Variants in MARCHF1 observed in about 807,000 individuals in gnomAD.
MARCHF1 encodes the protein E3 ubiquitin-protein ligase MARCHF1.
Under a neutral mutation model 54.2 loss-of-function variants are expected in MARCHF1, and 40 were observed. That is an observed-to-expected ratio of 0.74 (90% CI 0.57 to 0.96). The LOEUF (loss-of-function observed/expected upper bound fraction) is 0.96. Among genes scored for constraint, MARCHF1 ranks in the 40% least tolerant of loss-of-function variants. The probability of loss-of-function intolerance (pLI) is 0.00; values close to 1 mark genes in which losing one functional copy is unlikely to be tolerated. For synonymous variants in MARCHF1, 236 were observed against 236.3 expected (o/e 1.00, Z 0.01); for missense variants, 586 against 656.5 (o/e 0.89, Z 1.17).
chr4:163,890,223 C>T (rs1750631375), intron 3 of MARCHF1, among the ~76,000 whole-genome samples: 1 of 152,016 alleles, frequency 6.6e-6, no homozygotes, highest in Non-Finnish European at 1.5e-5. Flanking sequence ...CGTGAGCCAC[C>T]ACGCCCAGCC....
intron 2 of MARCHF1, among the ~76,000 whole-genome samples, chr4:164,059,357 T>C (rs1754564773): frequency 6.6e-6 from 1 of 152,210 alleles, no homozygotes; most frequent in Non-Finnish European, 1.5e-5. Flanking sequence ...CAACGTGATA[T>C]GCAATTCGGT....
Position 164,350,651 on chromosome 4 carries a change from A to G in MARCHF1, c.-323+33219T>C, listed in dbSNP as rs138129298. ...AATTATTTCTTGTCAACTAAAAGAAAAAGAAAAAACAATGTGTGCCAATCT... is the reference window on the plus strand; with the variant it reads ...AATTATTTCTTGTCAACTAAAAGAAGAAGAAAAAACAATGTGTGCCAATCT... On this transcript the variant is annotated intron_variant, in intron 1 of 9. Transcript: ENST00000514618. 7.5e-3 allele frequency among the ~76,000 whole-genome samples: 1,139 copies of G among 150,912 alleles called. 14 individuals carry two copies. The highest frequency in any genetic ancestry group is 0.012 in the Non-Finnish European group (815 of 68,018).
intron 5 of MARCHF1, among the ~76,000 whole-genome samples, chr4:163,682,549 C>T (rs1276941230): frequency 6.6e-6 from 1 of 152,192 alleles, no homozygotes; most frequent in Non-Finnish European, 1.5e-5. Flanking sequence ...ATTCCAGCTG[C>T]TTAAGCTTCA....
At chr4:164,148,234 A>G (rs1244693002) in intron 1 of MARCHF1, among the ~76,000 whole-genome samples, 4 of 152,078 alleles carry the variant, frequency 2.6e-5, no homozygotes, top group African/African-American at 9.7e-5. Context: ...TACAACTACT[A>G]GTAGGGGATG....
At chr4:164,021,079 C>CTTTTTTTTTTTTTTTTTTTT (rs58872172) in intron 2 of MARCHF1, among the ~76,000 whole-genome samples, 1 of 141,688 alleles carries the variant, frequency 7.1e-6, no homozygotes. Flanking sequence ...ATTTCTGTCC[C>CTTTTTTTTTTTTTTTTTTTT]TTTTTTTTTT....
intron 2 of MARCHF1, among the ~76,000 whole-genome samples, chr4:164,042,880 T>C (rs982489691): frequency 1.3e-5 from 2 of 152,204 alleles, no homozygotes; most frequent in African/African-American, 4.8e-5. Flanking sequence ...ACAGGTCCCA[T>C]GCAAGTCCAA....
intron 7 of MARCHF1, among the ~76,000 whole-genome samples, chr4:163,601,386 A>G (rs1740959170): frequency 8.6e-6 from 1 of 116,666 alleles, no homozygotes; most frequent in African/African-American, 3.0e-5. Flanking sequence ...GTGTGAGAAA[A>G]GAAAGAAAGT....
intron 2 of MARCHF1, among the ~76,000 whole-genome samples, chr4:164,071,269 G>A (rs1458732515): frequency 3.9e-5 from 6 of 152,170 alleles, no homozygotes; most frequent in Non-Finnish European, 7.4e-5. Context: ...AACCATGACA[G>A]TATTCTTGAA....
At chr4:164,252,024 T>G (rs900619371) in intron 1 of MARCHF1, among the ~76,000 whole-genome samples, 4 of 152,110 alleles carry the variant, frequency 2.6e-5, no homozygotes, top group African/African-American at 9.7e-5. Flanking sequence ...TGAAATTACT[T>G]TCAGAAATAA....
intron 4 of MARCHF1, among the ~76,000 whole-genome samples, chr4:163,814,966 G>A (rs10434174): frequency 0.77 from 117,742 of 151,946 alleles, 47,202 homozygotes; most frequent in South Asian, 0.88. Context: ...ATTTTTTTCT[G>A]GCATTACTTA....
intron 1 of MARCHF1, among the ~76,000 whole-genome samples, chr4:164,216,461 A>G (rs183841542): frequency 1.3e-5 from 2 of 152,346 alleles, no homozygotes; most frequent in East Asian, 3.9e-4. Flanking sequence ...GCTAATAAGG[A>G]AAGAAAAGAA....
intron 2 of MARCHF1, among the ~76,000 whole-genome samples, chr4:164,095,330 G>A (rs749735702): frequency 1.3e-5 from 2 of 151,984 alleles, no homozygotes; most frequent in Non-Finnish European, 2.9e-5. Flanking sequence ...TGACTAGTGT[G>A]ATTGTGAGGA....
chr4:163,592,327 C>G (rs1333360490), intron 7 of MARCHF1, among the ~76,000 whole-genome samples: 1 of 152,116 alleles, frequency 6.6e-6, no homozygotes, highest in African/African-American at 2.4e-5. Context: ...AAAAAAGCTG[C>G]TACATAGCAT....
chr4:163,546,163 T>C (rs900210585), intron 8 of MARCHF1, among the ~76,000 whole-genome samples: 1 of 152,038 alleles, frequency 6.6e-6, no homozygotes, highest in Non-Finnish European at 1.5e-5. Context: ...TTTGTAGATA[T>C]GGGGGTCTCA....
intron 3 of MARCHF1, among the ~76,000 whole-genome samples, chr4:163,880,857 A>C (rs1347211250): frequency 6.6e-6 from 1 of 152,224 alleles, no homozygotes; most frequent in Non-Finnish European, 1.5e-5. Flanking sequence ...TTTATTTAAA[A>C]CTTAAATATT....
At chr4:163,742,332 TTCCCTCCCTCCCTCTC>T (rs1746221236) in intron 4 of MARCHF1, among the ~76,000 whole-genome samples, 1 of 144,080 alleles carries the variant, frequency 6.9e-6, no homozygotes, top group African/African-American at 2.6e-5. Context: ...CTCCCTCCCT[TTCCCTCCCTCCCTCTC>T]TCCCTCCCTC....
intron 2 of MARCHF1, among the ~76,000 whole-genome samples, chr4:164,038,292 G>C (rs957462232): frequency 6.6e-6 from 1 of 152,146 alleles, no homozygotes. Context: ...AGGAGATCGA[G>C]ACCATCCTGG....
chr4:164,216,195 G>A (rs928171262), intron 1 of MARCHF1, among the ~76,000 whole-genome samples: 4 of 152,086 alleles, frequency 2.6e-5, no homozygotes, highest in Non-Finnish European at 5.9e-5. Flanking sequence ...TTCCCTTTAC[G>A]GTTTGGCCAT....
intron 1 of MARCHF1, among the ~76,000 whole-genome samples, chr4:164,346,595 TG>T: frequency 2.1e-5 from 1 of 46,620 alleles, no homozygotes; most frequent in African/African-American, 6.6e-5. Flanking sequence ...CAAACCTGTA[TG>T]TATGTATGTA....
Sources: gnomAD v4.1 joint callset for allele counts (sites outside exome capture counted in the v4.1 genomes callset) on GRCh38, gnomAD v4.1.1 for gene constraint, MANE v1.5 for transcripts, NCBI Gene and HGNC (gene_info 2026-07-23, HGNC 2026-07-21) for gene names.